The following MED12L variants were observed in gnomAD, a reference collection of about 807,000 sequenced individuals.
MED12L encodes mediator of RNA polymerase II transcription subunit 12-like protein.
Under a neutral mutation model 281.3 loss-of-function variants are expected in MED12L, and 60 were observed. The observed-to-expected ratio is 0.21, with a 90% CI of 0.17 to 0.26. The LOEUF is 0.26. Among genes scored for constraint, MED12L ranks in the 10% least tolerant of loss-of-function variants. The pLI is 1.00. For synonymous variants in MED12L, 974 were observed against 987.2 expected, an observed-to-expected ratio of 0.99 and a Z score of 0.25; for missense variants, 2,146 against 2,680.9, an observed-to-expected ratio of 0.80 and a Z score of 4.41.
chr3:151,251,171 A>G (rs1369667976), intron 16 of MED12L, among the ~76,000 whole-genome samples: 2 of 152,006 alleles, frequency 1.3e-5, no homozygotes, highest in Non-Finnish European at 2.9e-5. Flanking sequence ...CCCTGTTAGC[A>G]CTTGTGACAT....
chr3:151,135,484 T>C (rs76666958), intron 5 of MED12L, among the ~76,000 whole-genome samples: 5,732 of 152,338 alleles, frequency 0.038, 320 homozygotes, highest in African/African-American at 0.12. Context: ...TTGGGAACTT[T>C]GCAGACTTTA....
chr3:151,104,595 C>T (rs1721780403), intron 2 of MED12L, among the ~76,000 whole-genome samples: 1 of 152,182 alleles, frequency 6.6e-6, no homozygotes, highest in Admixed American at 6.5e-5. Flanking sequence ...AGGGGGCAGT[C>T]TTGCCATGGG....
intron 16 of MED12L, among the ~76,000 whole-genome samples, chr3:151,204,938 A>C (rs1441591213): frequency 1.3e-5 from 2 of 152,204 alleles, no homozygotes; most frequent in Non-Finnish European, 2.9e-5. Flanking sequence ...TGGATTGCCA[A>C]ATGTGAAAGC....
chr3:151,344,349 C>T (rs571370271), intron 16 of MED12L, among the ~76,000 whole-genome samples: 1 of 152,030 alleles, frequency 6.6e-6, no homozygotes, highest in African/African-American at 2.4e-5. Flanking sequence ...ACAGTTTCCT[C>T]ATCCATGTGC....
chr3:151,148,463 T>C (rs1205383904), intron 5 of MED12L, among the ~76,000 whole-genome samples: 1 of 152,244 alleles, frequency 6.6e-6, no homozygotes, highest in Non-Finnish European at 1.5e-5. Flanking sequence ...ATTTTTTCTC[T>C]CATTCAGTCT....
chr3:151,089,311 A>G (rs1219271609), intron 2 of MED12L, among the ~76,000 whole-genome samples: 2 of 152,214 alleles, frequency 1.3e-5, no homozygotes, highest in Non-Finnish European at 2.9e-5. Flanking sequence ...TTAAAAGTTC[A>G]TCTGTGTATC....
At chr3:151,419,766 T>G (rs1718029626) in intron 43 of MED12L, among the ~76,000 whole-genome samples, 2 of 152,026 alleles carry the variant, frequency 1.3e-5, no homozygotes, top group Non-Finnish European at 2.9e-5. Context: ...AACGCACCAA[T>G]CCCCAACCCA....
At chr3:151,367,586 A>G (rs1303454548) in intron 23 of MED12L, 60 bp from the exon 24 acceptor site, 1 of 1,483,710 alleles carries the variant, frequency 6.7e-7, no homozygotes, top group Non-Finnish European at 9.1e-7. Context: ...TTAGTTATTA[A>G]TCTTAGATAC....
Position 151,163,551 on chromosome 3 carries a change from T to C in MED12L, c.1108-342T>C, listed in dbSNP as rs59462263. On this transcript the variant is annotated intron_variant, in intron 8 of 44. Coordinates refer to ENST00000687756, the MANE Select transcript of MED12L (RefSeq NM_001393769.1). ...AGCCTTAGAAATTACATATTATAAG[T>C]TCATCTCATGTTTTTAATTGCATGA... 3.8e-3 allele frequency among the ~76,000 whole-genome samples: 583 copies of C among 152,288 alleles called. 2 individuals carry two copies. The highest frequency in any genetic ancestry group is 0.014 in the African/African-American group (565 of 41,556).
intron 16 of MED12L, among the ~76,000 whole-genome samples, chr3:151,203,859 G>T (rs897560331): frequency 2.0e-5 from 3 of 151,990 alleles, no homozygotes; most frequent in Non-Finnish European, 4.4e-5. Context: ...TTTCATTGAA[G>T]AATATATTAT....
At chr3:151,174,931 G>A (rs1721862015) in intron 11 of MED12L, among the ~76,000 whole-genome samples, 1 of 152,168 alleles carries the variant, frequency 6.6e-6, no homozygotes, top group Non-Finnish European at 1.5e-5. Flanking sequence ...CTGGGCTCAA[G>A]TGATCCTCCT....
At chr3:151,249,696 A>ATTAC (rs754501598) in intron 16 of MED12L, among the ~76,000 whole-genome samples, 25 of 152,124 alleles carry the variant, frequency 1.6e-4, no homozygotes, top group Middle Eastern at 3.4e-3. Context: ...CATTCTTCGT[A>ATTAC]TTACTCCTTG....
At chr3:151,274,379 C>A (rs1441431575) in intron 16 of MED12L, among the ~76,000 whole-genome samples, 1 of 152,126 alleles carries the variant, frequency 6.6e-6, no homozygotes, top group African/African-American at 2.4e-5. Context: ...TTATCTCAGA[C>A]CATATCCTCC....
At chr3:151,371,059 C>T (rs900357431) in intron 26 of MED12L, among the ~76,000 whole-genome samples, 1 of 152,258 alleles carries the variant, frequency 6.6e-6, no homozygotes, top group African/African-American at 2.4e-5. Context: ...GGCACAGACT[C>T]TCATACCTTC....
chr3:151,098,470 G>C (rs1467419346), intron 2 of MED12L, among the ~76,000 whole-genome samples: 2 of 152,194 alleles, frequency 1.3e-5, no homozygotes, highest in African/African-American at 4.8e-5. Context: ...CCCTCTGAAG[G>C]CTCTAGGAGG....
intron 16 of MED12L, among the ~76,000 whole-genome samples, chr3:151,197,480 G>C (rs10513386): frequency 6.6e-6 from 1 of 152,056 alleles, no homozygotes; most frequent in African/African-American, 2.4e-5. Flanking sequence ...GGGGCCCTAC[G>C]TGGAGTCAGG....
chr3:151,399,302 T>A (rs2108284518), intron 39 of MED12L, among the ~76,000 whole-genome samples: 1 of 152,370 alleles, frequency 6.6e-6, no homozygotes, highest in South Asian at 2.1e-4. Context: ...TGCTTATTAG[T>A]ATTTTTATGG....
intron 5 of MED12L, among the ~76,000 whole-genome samples, chr3:151,146,232 CTG>C (rs1242439286): frequency 6.6e-6 from 1 of 152,164 alleles, no homozygotes; most frequent in East Asian, 1.9e-4. Context: ...TTGAGGAACT[CTG>C]GCCTCTGGGG....
chr3:151,171,203 A>G (rs1056112819), intron 11 of MED12L, among the ~76,000 whole-genome samples: 6 of 152,168 alleles, frequency 3.9e-5, no homozygotes, highest in Non-Finnish European at 7.3e-5. Flanking sequence ...AGGAGTCGTT[A>G]TGTGGACAGT....
Sources: gnomAD v4.1 joint callset for allele counts (sites outside exome capture counted in the v4.1 genomes callset) on GRCh38, gnomAD v4.1.1 for gene constraint, MANE v1.5 for transcripts, NCBI Gene and HGNC (gene_info 2026-07-23, HGNC 2026-07-21) for gene names.